RALGPS2: variants seen among roughly 807,000 people sequenced by gnomAD.
The protein encoded by RALGPS2 is Ral GEF with PH domain and SH3 binding motif 2, also known as ras-specific guanine nucleotide-releasing factor RalGPS2.
RALGPS2 carries 43 observed loss-of-function variants against 86.8 expected under a neutral mutation model. The ratio of observed to expected loss-of-function variants is 0.50; its 90% confidence interval spans 0.39 to 0.64. The LOEUF is 0.64. Among genes scored for constraint, RALGPS2 ranks in the 30% least tolerant of loss-of-function variants. The pLI is 0.00. For missense variants in RALGPS2, 536 were observed against 694.6 expected (o/e 0.77, Z 2.57); for synonymous variants, 243 against 231.3 (o/e 1.05, Z -0.46).
chr1:178,761,213 T>C (rs1282173558), intron 1 of RALGPS2, among the ~76,000 whole-genome samples: 1 of 152,152 alleles, frequency 6.6e-6, no homozygotes. Context: ...TGGCCTCAAG[T>C]GATCTGCCCA....
chr1:178,845,101 CAAAA>C (rs769062978), intron 8 of RALGPS2, among the ~76,000 whole-genome samples: 1 of 85,550 alleles, frequency 1.2e-5, no homozygotes, highest in South Asian at 3.8e-4. Context: ...GACTCCATCT[CAAAA>C]AAAAAAAAAA....
rs116824611 is a variant in RALGPS2, at chr1:178,776,055, G to A, written c.-83-627G>A. ...CTGTATTAAGTATTATGAGTAATCC[G>A]GAGATGATTTAAAGTATACAAGAGG... On this transcript the variant is annotated intron_variant, in intron 1 of 19. Coordinates refer to ENST00000367635, the MANE Select transcript of RALGPS2 (RefSeq NM_152663.5). Among the ~76,000 whole-genome samples the A allele has an allele frequency of 9.1e-3, 1,389 of 152,034 alleles. 24 individuals carry two copies. Among genetic ancestry groups the A allele is most frequent in the African/African-American group, 0.029 (1,217 of 41,458 alleles).
chr1:178,808,904 T>C lies in RALGPS2; in HGVS notation c.297+776T>C, dbSNP rs568082966. Among the ~76,000 whole-genome samples, 3 of 152,290 alleles carry C rather than the reference T, an allele frequency of 2.0e-5. No homozygotes were observed. In the South Asian group the frequency reaches 6.2e-4, roughly 32 times the overall value. Reference sequence around the variant, plus strand: ...TCTTTTTTTAGAGACAGGGTCTCTGTCACCCAAGCTGGAGTACAGTGCTGC... The same window carrying C: ...TCTTTTTTTAGAGACAGGGTCTCTGCCACCCAAGCTGGAGTACAGTGCTGC... On this transcript the variant is annotated intron_variant, in intron 5 of 19. Transcript: ENST00000367635.
At chr1:178,746,639 T>A in intron 1 of RALGPS2, 1 of 760,804 alleles carries the variant, frequency 1.3e-6, no homozygotes. Context: ...TGCACATCAA[T>A]GGTTCCAAAT....
chr1:178,827,801 A>G (rs1286179186), intron 7 of RALGPS2, among the ~76,000 whole-genome samples: 1 of 152,224 alleles, frequency 6.6e-6, no homozygotes, highest in Non-Finnish European at 1.5e-5. Context: ...GGGCCCAGAA[A>G]TAAATACACA....
intron 1 of RALGPS2, among the ~76,000 whole-genome samples, chr1:178,771,916 T>TG (rs1172615462): frequency 6.6e-6 from 1 of 152,240 alleles, no homozygotes; most frequent in East Asian, 1.9e-4. Context: ...AGCAGTCACT[T>TG]GCCTATAGAT....
At chr1:178,883,440 A>G (rs1659346228) in intron 10 of RALGPS2, 26 bp from the exon 11 acceptor site, 1 of 1,509,690 alleles carries the variant, frequency 6.6e-7, no homozygotes, top group Non-Finnish European at 9.2e-7. Context: ...TAATCATTGT[A>G]TGTATTTTGT....
intron 1 of RALGPS2, among the ~76,000 whole-genome samples, chr1:178,775,043 G>A (rs1445181324): frequency 6.6e-6 from 1 of 152,100 alleles, no homozygotes; most frequent in African/African-American, 2.4e-5. Context: ...TTTTATTTAA[G>A]AGACTCTGTT....
At chr1:178,798,299 A>G (rs1412619992) in intron 4 of RALGPS2, among the ~76,000 whole-genome samples, 1 of 152,198 alleles carries the variant, frequency 6.6e-6, no homozygotes, top group Admixed American at 6.5e-5. Flanking sequence ...TCGCGTTGCT[A>G]TTACAGTGAG....
intron 6 of RALGPS2, among the ~76,000 whole-genome samples, chr1:178,812,336 G>A (rs1382348602): frequency 6.6e-6 from 1 of 152,164 alleles, no homozygotes; most frequent in East Asian, 1.9e-4. Context: ...AGAAGAACAT[G>A]TTAAGCAAAG....
At chr1:178,788,528 A>G (rs1035746440) in intron 4 of RALGPS2, among the ~76,000 whole-genome samples, 15 of 152,302 alleles carry the variant, frequency 9.8e-5, no homozygotes, top group South Asian at 4.1e-4. Context: ...TGACATCTGC[A>G]TTAAGGCCTA....
intron 10 of RALGPS2, 107 bp downstream of exon 10, chr1:178,879,099 T>C (rs1459344157): frequency 6.9e-7 from 1 of 1,452,124 alleles, no homozygotes; most frequent in African/African-American, 1.4e-5. Flanking sequence ...TACAAAGGAC[T>C]AATCCAGTGG....
At chr1:178,726,128 A>G (rs1649986342) in intron 1 of RALGPS2, 1 of 152,306 alleles carries the variant, frequency 6.6e-6, no homozygotes, top group Admixed American at 6.5e-5. Context: ...GGAGATTCCG[A>G]ACGTATCTCA....
intron 19 of RALGPS2, among the ~76,000 whole-genome samples, chr1:178,910,956 T>C (rs2102419021): frequency 6.6e-6 from 1 of 152,310 alleles, no homozygotes; most frequent in Non-Finnish European, 1.5e-5. Flanking sequence ...TATTGGTCTT[T>C]TTAGGGATTC....
chr1:178,754,480 G>A lies in RALGPS2; in HGVS notation c.-83-22202G>A, dbSNP rs113334042. Among the ~76,000 whole-genome samples the A allele has an allele frequency of 5.0e-3, 754 of 152,252 alleles. 7 individuals carry two copies. Among genetic ancestry groups the A allele is most frequent in the African/African-American group, 0.016 (685 of 41,556 alleles). Reference sequence around the variant, plus strand: ...TTCTAGACCTGAGAAGAGTTTTGTTGTTTCAGTCTTGAGTCCAAAGGGAGG... The same window carrying A: ...TTCTAGACCTGAGAAGAGTTTTGTTATTTCAGTCTTGAGTCCAAAGGGAGG... On this transcript the variant is annotated intron_variant, in intron 1 of 19. Coordinates refer to ENST00000367635, the MANE Select transcript of RALGPS2 (RefSeq NM_152663.5).
At chr1:178,784,285 A>G (rs564298507) in intron 2 of RALGPS2, 133 bp from the exon 3 acceptor site, 67 of 510,996 alleles carry the variant, frequency 1.3e-4, no homozygotes, top group African/African-American at 1.1e-3. Context: ...ACTAAGCAGC[A>G]TGTTGTGCTC....
intron 16 of RALGPS2, 21 bp from the exon 17 acceptor site, chr1:178,897,643 T>C (rs200971016): frequency 4.4e-6 from 7 of 1,573,842 alleles, no homozygotes; most frequent in Non-Finnish European, 6.1e-6. Flanking sequence ...AATAGTATAT[T>C]CCTGTGTTTG....
chr1:178,751,472 C>A (rs1013602166), intron 1 of RALGPS2, among the ~76,000 whole-genome samples: 3 of 152,130 alleles, frequency 2.0e-5, no homozygotes, highest in Non-Finnish European at 4.4e-5. Context: ...ATTTGCTCTT[C>A]TTGAGAGAGA....
rs1456996604 is a variant in RALGPS2 at position 178,833,680 on chromosome 1, G to GA, written c.607+137dup. Reference sequence around the variant, plus strand: ...TAAATTACTTCAAGATTGGTAAGCTGAAAAAAATGACTAAAGATAGTTGTT... The same window carrying GA: ...TAAATTACTTCAAGATTGGTAAGCTGAAAAAAAATGACTAAAGATAGTTGTT... On this transcript the variant is annotated intron_variant, in intron 8 of 19. Coordinates refer to ENST00000367635, the MANE Select transcript of RALGPS2 (RefSeq NM_152663.5). 8 of 1,358,446 alleles carry GA rather than the reference G, an allele frequency of 5.9e-6. No individual in the cohort carries two copies. In the East Asian group the frequency reaches 9.4e-5, roughly 16 times the overall value. 84.1% of individuals were successfully genotyped at this position (1,358,446 alleles called of 1,614,324 possible).
Sources: gnomAD v4.1 joint callset for allele counts (sites outside exome capture counted in the v4.1 genomes callset) on GRCh38, gnomAD v4.1.1 for gene constraint, MANE v1.5 for transcripts, NCBI Gene and HGNC (gene_info 2026-07-23, HGNC 2026-07-21) for gene names.